SHISA9: variants seen among roughly 807,000 people sequenced by gnomAD.
SHISA9 encodes shisa family member 9.
SHISA9 carries 13 observed loss-of-function variants against 38.0 expected under a neutral mutation model. The observed-to-expected ratio is 0.34, with a 90% CI of 0.22 to 0.54. SHISA9 has a LOEUF of 0.54. Among genes scored for constraint, SHISA9 ranks in the 20% least tolerant of loss-of-function variants. The probability of loss-of-function intolerance (pLI) is 0.91; values close to 1 mark genes in which losing one functional copy is unlikely to be tolerated. For synonymous variants in SHISA9, 275 were observed against 242.0 expected (o/e 1.14, Z -1.27); for missense variants, 538 against 575.8 (o/e 0.93, Z 0.67).
the SHISA9 span, among the ~76,000 whole-genome samples, chr16:13,289,340 G>C: frequency 4.0e-3 from 527 of 131,666 alleles, 21 homozygotes; most frequent in East Asian, 0.09. Flanking sequence ...TCTGAGTCCT[G>C]TCTGGCACTC....
intron 2 of SHISA9, among the ~76,000 whole-genome samples, chr16:13,098,706 A>T (rs1275418638): frequency 6.6e-6 from 1 of 152,222 alleles, no homozygotes; most frequent in Admixed American, 6.5e-5. Context: ...GCAGGCTCCC[A>T]TCCACTCTGT....
At chr16:13,505,060 AG>A in the SHISA9 span, among the ~76,000 whole-genome samples, 1 of 152,202 alleles carries the variant, frequency 6.6e-6, no homozygotes, top group Non-Finnish European at 1.5e-5. Flanking sequence ...AATGCTCCAT[AG>A]GTTGTCCATT....
chr16:13,556,187 A>T, the SHISA9 span, among the ~76,000 whole-genome samples: 1 of 152,192 alleles, frequency 6.6e-6, no homozygotes, highest in Non-Finnish European at 1.5e-5. Flanking sequence ...TGTACTAAAC[A>T]TGTTAAATAT....
the SHISA9 span, among the ~76,000 whole-genome samples, chr16:13,504,678 C>T: frequency 6.6e-6 from 1 of 152,046 alleles, no homozygotes; most frequent in African/African-American, 2.4e-5. Flanking sequence ...ACAAATGAAC[C>T]ACTAGCCCTC....
At chr16:13,407,277 C>T in the SHISA9 span, among the ~76,000 whole-genome samples, 3 of 152,018 alleles carry the variant, frequency 2.0e-5, no homozygotes, top group African/African-American at 7.2e-5. Flanking sequence ...TAGATGGCTT[C>T]CCTCTGGCTG....
At chr16:12,959,885 A>G in intron 2 of SHISA9, among the ~76,000 whole-genome samples, 1 of 152,206 alleles carries the variant, frequency 6.6e-6, no homozygotes, top group East Asian at 1.9e-4. Flanking sequence ...AATACTGTTT[A>G]TTTTGAATTG....
chr16:13,337,071 C>T, the SHISA9 span, among the ~76,000 whole-genome samples: 1 of 152,108 alleles, frequency 6.6e-6, no homozygotes, highest in African/African-American at 2.4e-5. Flanking sequence ...GTCTGGGAGA[C>T]AATGAAGTGT....
chr16:12,995,157 G>A (rs1249723343), intron 2 of SHISA9, among the ~76,000 whole-genome samples: 1 of 152,084 alleles, frequency 6.6e-6, no homozygotes, highest in Non-Finnish European at 1.5e-5. Context: ...AAACATGTGT[G>A]CAAGGTGTAA....
intron 2 of SHISA9, among the ~76,000 whole-genome samples, chr16:13,175,760 C>T (rs1463006018): frequency 6.6e-6 from 1 of 152,182 alleles, no homozygotes; most frequent in African/African-American, 2.4e-5. Flanking sequence ...ACCTGGTGCC[C>T]AATGCTAGTA....
In SHISA9 at chr16:13,235,893, G is replaced by A. The variant is rs376071261; in HGVS notation, c.*484G>A. The A allele has an allele frequency of 6.5e-6, 1 of 154,730 alleles. No individual in the cohort carries two copies. The highest frequency in any genetic ancestry group is 2.4e-5 in the African/African-American group (1 of 41,518). 9.6% of individuals were successfully genotyped at this position (154,730 alleles called of 1,614,324 possible). A position where few individuals can be genotyped will look rare whatever the true frequency, so the allele number is the denominator to read the frequency against. On this transcript the variant is annotated 3_prime_UTR_variant, in exon 5 of 5. Transcript: ENST00000558583. ...GAGAATGAGGGAGGACACAAGAGAA[G>A]AGTGTATTCTGGAAGAGGAGTTGTT...
chr16:13,526,036 A>C, the SHISA9 span, among the ~76,000 whole-genome samples: 1 of 152,194 alleles, frequency 6.6e-6, no homozygotes, highest in South Asian at 2.1e-4. Context: ...TAGCCACTGA[A>C]CCTGTTATCC....
At chr16:13,379,124 T>C in the SHISA9 span, among the ~76,000 whole-genome samples, 1 of 152,098 alleles carries the variant, frequency 6.6e-6, no homozygotes, top group African/African-American at 2.4e-5. Flanking sequence ...ACTTCCCAGC[T>C]GGAAAGCTGC....
the SHISA9 span, among the ~76,000 whole-genome samples, chr16:13,284,756 C>G: frequency 6.6e-6 from 1 of 152,096 alleles, no homozygotes; most frequent in Admixed American, 6.5e-5. Context: ...TGCCACCATG[C>G]CGGGCTAATT....
the SHISA9 span, among the ~76,000 whole-genome samples, chr16:13,395,043 G>C: frequency 6.6e-6 from 1 of 151,964 alleles, no homozygotes; most frequent in African/African-American, 2.4e-5. Context: ...TGAAATCCCA[G>C]AAGGGGAATG....
At chr16:13,068,277 C>T (rs993864062) in intron 2 of SHISA9, among the ~76,000 whole-genome samples, 10 of 152,178 alleles carry the variant, frequency 6.6e-5, no homozygotes, top group South Asian at 4.1e-4. Context: ...CTCCGTTTCT[C>T]GACCCATAAA....
the SHISA9 span, among the ~76,000 whole-genome samples, chr16:13,265,108 T>G: frequency 1.2e-5 from 1 of 83,534 alleles, no homozygotes; most frequent in Non-Finnish European, 2.3e-5. Flanking sequence ...TCCCTTCCCC[T>G]CCCCTCCCTT....
chr16:13,475,211 G>A, the SHISA9 span, among the ~76,000 whole-genome samples: 1 of 152,034 alleles, frequency 6.6e-6, no homozygotes, highest in Non-Finnish European at 1.5e-5. Flanking sequence ...AGTTCTCAGA[G>A]CTTATTTAGG....
At chr16:13,045,609 A>T (rs1596609343) in intron 2 of SHISA9, among the ~76,000 whole-genome samples, 1 of 22,064 alleles carries the variant, frequency 4.5e-5, no homozygotes, top group Admixed American at 4.3e-4. Context: ...AGGGAGAGGG[A>T]GAGGGAGAGG....
the SHISA9 span, among the ~76,000 whole-genome samples, chr16:13,346,116 C>T: frequency 6.6e-6 from 1 of 152,174 alleles, no homozygotes; most frequent in Non-Finnish European, 1.5e-5. Flanking sequence ...CCTTCTTCCA[C>T]TCTCCTACAT....
Sources: gnomAD v4.1 joint callset for allele counts (sites outside exome capture counted in the v4.1 genomes callset) on GRCh38, gnomAD v4.1.1 for gene constraint, MANE v1.5 for transcripts, NCBI Gene and HGNC (gene_info 2026-07-23, HGNC 2026-07-21) for gene names.